KLHL32: variants seen among roughly 807,000 people sequenced by gnomAD.
KLHL32 encodes kelch like family member 32.
A neutral mutation model predicts 64.8 loss-of-function variants in KLHL32; 35 were observed. The ratio of observed to expected loss-of-function variants is 0.54; its 90% CI spans 0.41 to 0.72. The LOEUF (loss-of-function observed/expected upper bound fraction) is 0.72. Ranked by LOEUF, KLHL32 falls within the 30% of genes least tolerant of loss-of-function variation. The pLI, the probability that KLHL32 is intolerant of heterozygous loss-of-function variation, is 0.00. For synonymous variants in KLHL32, 259 were observed against 281.0 expected, an observed-to-expected ratio of 0.92 and a Z score of 0.78; for missense variants, 589 against 768.5, an observed-to-expected ratio of 0.77 and a Z score of 2.76.
intron 3 of KLHL32, among the ~76,000 whole-genome samples, chr6:96,983,587 A>T (rs952110784): frequency 6.6e-6 from 1 of 152,296 alleles, no homozygotes; most frequent in Non-Finnish European, 1.5e-5. Flanking sequence ...CAGAGATTCA[A>T]CTTCTTCCTG....
chr6:96,963,497 G>C (rs774767180), intron 1 of KLHL32, among the ~76,000 whole-genome samples: 1 of 152,098 alleles, frequency 6.6e-6, no homozygotes, highest in Non-Finnish European at 1.5e-5. Context: ...CCTGTGTTTA[G>C]AGCTACTCCT....
chr6:97,014,629 G>A (rs1020406596), intron 3 of KLHL32, among the ~76,000 whole-genome samples: 1 of 152,128 alleles, frequency 6.6e-6, no homozygotes, highest in Non-Finnish European at 1.5e-5. Flanking sequence ...CAGATAATCT[G>A]CATTTTGTCA....
At chr6:96,932,471 A>T (rs997764486) in intron 1 of KLHL32, among the ~76,000 whole-genome samples, 1 of 151,798 alleles carries the variant, frequency 6.6e-6, no homozygotes, top group Non-Finnish European at 1.5e-5. Context: ...CTTTTTTCTG[A>T]AATCCCTAAG....
intron 10 of KLHL32, among the ~76,000 whole-genome samples, 174 bp from the exon 11 acceptor site, chr6:97,138,946 AT>A (rs988293373): frequency 1.3e-5 from 2 of 152,230 alleles, no homozygotes; most frequent in African/African-American, 4.8e-5. Context: ...ATAGTGTAGC[AT>A]TTAGTAGGAG....
intron 1 of KLHL32, among the ~76,000 whole-genome samples, chr6:96,936,703 T>C (rs536278903): frequency 5.3e-5 from 8 of 152,328 alleles, no homozygotes; most frequent in Admixed American, 1.3e-4. Context: ...AAAAATTTTG[T>C]TTTAAAACCT....
intron 3 of KLHL32, among the ~76,000 whole-genome samples, chr6:96,978,728 C>T (rs1346251378): frequency 6.6e-6 from 1 of 152,196 alleles, no homozygotes; most frequent in Non-Finnish European, 1.5e-5. Flanking sequence ...AAACGGCTTT[C>T]CACAATGACT....
intron 3 of KLHL32, among the ~76,000 whole-genome samples, chr6:97,023,216 AG>A (rs1562253065): frequency 8.5e-5 from 13 of 152,134 alleles, no homozygotes; most frequent in African/African-American, 2.9e-4. Context: ...GAAATTGTAA[AG>A]ACAAAAAAGC....
chr6:97,138,548 A>G (rs1280796584), intron 10 of KLHL32, among the ~76,000 whole-genome samples: 1 of 152,028 alleles, frequency 6.6e-6, no homozygotes, highest in Non-Finnish European at 1.5e-5. Flanking sequence ...AACAAAAACA[A>G]AAACAACAAA....
intron 6 of KLHL32, among the ~76,000 whole-genome samples, chr6:97,105,131 A>G (rs1201780400): frequency 6.6e-6 from 1 of 152,218 alleles, no homozygotes; most frequent in East Asian, 1.9e-4. Context: ...TAACATGCTA[A>G]AGTTTTATGT....
intron 3 of KLHL32, among the ~76,000 whole-genome samples, chr6:97,014,257 T>C (rs1466933713): frequency 6.6e-6 from 1 of 150,388 alleles, no homozygotes; most frequent in East Asian, 2.0e-4. Flanking sequence ...ATCGCGCCAC[T>C]GCACTCCAAC....
intron 4 of KLHL32, among the ~76,000 whole-genome samples, chr6:97,055,795 CTAAAAAAA>C (rs1367385536): frequency 9.6e-5 from 3 of 31,282 alleles, no homozygotes; most frequent in African/African-American, 8.1e-4. Flanking sequence ...GAGAACCTGT[CTAAAAAAA>C]AAAAAAAAAA....
the KLHL32 span, among the ~76,000 whole-genome samples, chr6:96,913,011 C>T: frequency 1.3e-5 from 2 of 152,166 alleles, no homozygotes; most frequent in African/African-American, 4.8e-5. Context: ...AATATAGATG[C>T]AAAATTATTT....
intron 3 of KLHL32, among the ~76,000 whole-genome samples, chr6:96,990,550 C>A (rs1488816971): frequency 6.6e-6 from 1 of 152,188 alleles, no homozygotes; most frequent in African/African-American, 2.4e-5. Flanking sequence ...TTGGCACTCC[C>A]AGGGTGCACA....
In KLHL32 at chr6:97,140,060, C is replaced by G. The variant is rs776488065; in HGVS notation, c.*778C>G. The G allele has an allele frequency of 1.3e-5, 2 of 151,986 alleles. No homozygotes were observed. The highest frequency in any genetic ancestry group is 2.9e-5 in the Non-Finnish European group (2 of 67,976). 9.4% of individuals were successfully genotyped at this position (151,986 alleles called of 1,614,324 possible). A position where few individuals can be genotyped will look rare whatever the true frequency, so the allele number is the denominator to read the frequency against. ...TAAGGTATTTTATTGTCTTTAGAACCTTGTAATTGAACAGGGAGATTATTT... is the reference window on the plus strand; with the variant it reads ...TAAGGTATTTTATTGTCTTTAGAACGTTGTAATTGAACAGGGAGATTATTT... On this transcript the variant is annotated 3_prime_UTR_variant, in exon 11 of 11. Coordinates refer to ENST00000369261, the MANE Select transcript of KLHL32 (RefSeq NM_052904.4).
the KLHL32 span, chr6:96,914,864 T>C: frequency 2.6e-5 from 4 of 152,068 alleles, no homozygotes; most frequent in Non-Finnish European, 5.9e-5. Context: ...GAGGTGACCA[T>C]ATTAATGCTG....
upstream of KLHL32, among the ~76,000 whole-genome samples, chr6:96,923,989 T>C (rs539149309): frequency 5.8e-4 from 88 of 152,172 alleles, no homozygotes; most frequent in African/African-American, 2.0e-3. Context: ...GGTTCTGTGG[T>C]TGTTGTCTGT....
chr6:97,140,014 A>G lies in KLHL32; in HGVS notation c.*732A>G, dbSNP rs913219914. The G allele has an allele frequency of 1.3e-4, 20 of 152,182 alleles. No homozygotes were observed. Among genetic ancestry groups the G allele is most frequent in the Non-Finnish European group, 1.8e-4 (12 of 68,014 alleles). 9.4% of individuals were successfully genotyped at this position (152,182 alleles called of 1,614,324 possible). On this transcript the variant is annotated 3_prime_UTR_variant, in exon 11 of 11. Coordinates refer to ENST00000369261, the MANE Select transcript of KLHL32 (RefSeq NM_052904.4). ...TGTAATACTTTGCCCAAGAAAAAGA[A>G]AAATGTTGTTACTGAAATTATAAGG...
chr6:97,097,606 G>A (rs1795157677), intron 6 of KLHL32, among the ~76,000 whole-genome samples: 1 of 150,900 alleles, frequency 6.6e-6, no homozygotes, highest in Admixed American at 6.6e-5. Context: ...TCTTTCACTC[G>A]GTGACCTTCA....
chr6:97,065,216 G>A (rs914681815), intron 5 of KLHL32, among the ~76,000 whole-genome samples: 12 of 152,140 alleles, frequency 7.9e-5, no homozygotes, highest in African/African-American at 1.7e-4. Flanking sequence ...AGTAATGTGC[G>A]TATTCCTCCC....
Sources: allele counts gnomAD v4.1 joint callset (sites outside exome capture counted in the v4.1 genomes callset), GRCh38; gene constraint gnomAD v4.1.1; transcripts MANE v1.5; gene names NCBI Gene and HGNC (gene_info 2026-07-23, HGNC 2026-07-21).